The following CMSS1 variants were observed in gnomAD, a reference collection of about 807,000 sequenced individuals.
The protein encoded by CMSS1 is protein CMSS1.
CMSS1 carries 33 observed loss-of-function variants against 43.5 expected under a neutral mutation model. The observed-to-expected ratio is 0.76, with a 90% CI of 0.57 to 1.01. The LOEUF (loss-of-function observed/expected upper bound fraction) is 1.01. CMSS1 is among the 50% of genes least tolerant of loss of function. CMSS1 has a pLI of 0.00. For missense variants in CMSS1, 313 were observed against 326.4 expected (o/e 0.96, Z 0.32); for synonymous variants, 115 against 117.2 (o/e 0.98, Z 0.12).
chr3:100,007,859 G>A (rs565929587), intron 1 of CMSS1, among the ~76,000 whole-genome samples: 3 of 152,182 alleles, frequency 2.0e-5, no homozygotes, highest in Non-Finnish European at 4.4e-5. Flanking sequence ...GTCTATTGGT[G>A]TCTGTTAGTG....
At chr3:99,940,535 G>T (rs1707820403) in intron 1 of CMSS1, among the ~76,000 whole-genome samples, 1 of 152,304 alleles carries the variant, frequency 6.6e-6, no homozygotes, top group African/African-American at 2.4e-5. Flanking sequence ...TGTGCCTATG[G>T]TCATGCCCTG....
intron 1 of CMSS1, among the ~76,000 whole-genome samples, chr3:99,927,197 A>G (rs1035382932): frequency 6.6e-6 from 1 of 152,182 alleles, no homozygotes; most frequent in Non-Finnish European, 1.5e-5. Context: ...TTCCCTATAC[A>G]TGAGCTTTTC....
At chr3:100,150,528 C>G (rs562821393) in intron 2 of CMSS1, among the ~76,000 whole-genome samples, 5 of 152,238 alleles carry the variant, frequency 3.3e-5, no homozygotes, top group Admixed American at 3.3e-4. Context: ...GATGATGTTC[C>G]CTCCTTTGCC....
intron 1 of CMSS1, among the ~76,000 whole-genome samples, chr3:99,915,627 G>A (rs1706927156): frequency 6.6e-6 from 1 of 151,332 alleles, no homozygotes; most frequent in African/African-American, 2.4e-5. Flanking sequence ...AGTCTTAATG[G>A]TTTAAAAAAA....
chr3:99,974,984 A>G (rs1320636873), intron 1 of CMSS1, among the ~76,000 whole-genome samples: 1 of 152,178 alleles, frequency 6.6e-6, no homozygotes, highest in Non-Finnish European at 1.5e-5. Context: ...CATTTTCACA[A>G]GTTCATTAAG....
At chr3:100,135,316 A>C (rs2066742550) in intron 1 of CMSS1, among the ~76,000 whole-genome samples, 1 of 152,202 alleles carries the variant, frequency 6.6e-6, no homozygotes, top group Non-Finnish European at 1.5e-5. Context: ...ATGTTCAAAC[A>C]TTTAAAACAA....
chr3:100,098,377 ACTT>A (rs1361482938), intron 1 of CMSS1, among the ~76,000 whole-genome samples: 1 of 152,262 alleles, frequency 6.6e-6, no homozygotes, highest in East Asian at 1.9e-4. Context: ...CAGTTACTGA[ACTT>A]CTCTCAGGCT....
At chr3:99,953,807 C>G (rs1248642394) in intron 1 of CMSS1, among the ~76,000 whole-genome samples, 2 of 152,172 alleles carry the variant, frequency 1.3e-5, no homozygotes, top group Non-Finnish European at 2.9e-5. Context: ...AATTAGCTAG[C>G]TTATTCAGTT....
At chr3:100,165,759 A>G (rs1285576365) in intron 4 of CMSS1, among the ~76,000 whole-genome samples, 1 of 152,162 alleles carries the variant, frequency 6.6e-6, no homozygotes, top group Non-Finnish European at 1.5e-5. Context: ...ATTTCTTTCT[A>G]TTATTTACCT....
chr3:99,900,563 C>T (rs983895721), intron 1 of CMSS1, among the ~76,000 whole-genome samples: 1 of 152,140 alleles, frequency 6.6e-6, no homozygotes, highest in African/African-American at 2.4e-5. Context: ...TACCTTTAGC[C>T]CTATGTTATA....
At chr3:100,014,366 G>T (rs1710256744) in intron 1 of CMSS1, among the ~76,000 whole-genome samples, 1 of 151,992 alleles carries the variant, frequency 6.6e-6, no homozygotes, top group South Asian at 2.1e-4. Context: ...CCAAAAATGG[G>T]ATTGTTGCAT....
chr3:100,101,257 A>G (rs965484206), intron 1 of CMSS1, among the ~76,000 whole-genome samples: 2 of 152,202 alleles, frequency 1.3e-5, no homozygotes, highest in Non-Finnish European at 2.9e-5. Context: ...AGGGACAGTT[A>G]ATACTACAGC....
intron 1 of CMSS1, among the ~76,000 whole-genome samples, chr3:99,962,646 A>G (rs1345372084): frequency 6.6e-6 from 1 of 152,230 alleles, no homozygotes; most frequent in East Asian, 1.9e-4. Context: ...AACAGCAACA[A>G]ACACATATAG....
At chr3:100,142,912 GAGTTTAC>G (rs1317366753) in intron 1 of CMSS1, among the ~76,000 whole-genome samples, 5 of 152,208 alleles carry the variant, frequency 3.3e-5, no homozygotes, top group Non-Finnish European at 7.3e-5. Context: ...TACCCTCAGA[GAGTTTAC>G]AGTTCAGATG....
chr3:99,913,742 T>G (rs1047985126), intron 1 of CMSS1, among the ~76,000 whole-genome samples: 1 of 152,202 alleles, frequency 6.6e-6, no homozygotes, highest in Non-Finnish European at 1.5e-5. Context: ...TGCGTGACCC[T>G]GAAGCATATA....
At chr3:99,952,780 C>A (rs1419976209) in intron 1 of CMSS1, among the ~76,000 whole-genome samples, 2 of 152,002 alleles carry the variant, frequency 1.3e-5, no homozygotes, top group African/African-American at 4.8e-5. Flanking sequence ...CATGAATATT[C>A]CTAAGAAGAA....
At chr3:99,941,154 C>G (rs1707838664) in intron 1 of CMSS1, among the ~76,000 whole-genome samples, 4 of 152,058 alleles carry the variant, frequency 2.6e-5, no homozygotes, top group African/African-American at 9.7e-5. Context: ...TCTGTTTTTG[C>G]CAAATAATAC....
chr3:99,944,429 T>C (rs1464504246), intron 1 of CMSS1, among the ~76,000 whole-genome samples: 1 of 152,176 alleles, frequency 6.6e-6, no homozygotes, highest in Non-Finnish European at 1.5e-5. Context: ...GTCACGTCTG[T>C]CTCTCCACCA....
At chr3:99,931,053 G>A (rs758410311) in intron 1 of CMSS1, 9 of 1,602,550 alleles carry the variant, frequency 5.6e-6, no homozygotes, top group Non-Finnish European at 6.8e-6. Context: ...AAGAAAATTT[G>A]TAAAGCTTAA....
Sources: gnomAD v4.1 joint callset for allele counts (sites outside exome capture counted in the v4.1 genomes callset) on GRCh38, gnomAD v4.1.1 for gene constraint, MANE v1.5 for transcripts, NCBI Gene and HGNC (gene_info 2026-07-23, HGNC 2026-07-21) for gene names.